FGL1: variants seen among roughly 807,000 people sequenced by gnomAD.
FGL1 encodes fibrinogen like 1, also known as fibrinogen-like protein 1.
FGL1 carries 59 observed loss-of-function variants against 43.7 expected under a neutral mutation model. That is an observed-to-expected ratio of 1.35 (90% CI 1.10 to 1.68). FGL1 has a LOEUF of 1.68. Ranked by LOEUF, FGL1 falls within the 40% of genes most tolerant of loss-of-function variation. The pLI is 0.00. For synonymous variants in FGL1, 192 were observed against 126.5 expected (o/e 1.52, Z -3.48); for missense variants, 596 against 373.0 (o/e 1.60, Z -4.92).
intron 2 of FGL1, among the ~76,000 whole-genome samples, chr8:17,884,771 A>G (rs1359867480): frequency 6.6e-6 from 1 of 152,160 alleles, no homozygotes; most frequent in Non-Finnish European, 1.5e-5. Context: ...CATATTTAGT[A>G]AGCTTATTTA....
At chr8:17,869,563 C>T (rs995940552) in intron 5 of FGL1, among the ~76,000 whole-genome samples, 4 of 152,254 alleles carry the variant, frequency 2.6e-5, no homozygotes, top group East Asian at 1.9e-4. Context: ...AAATATGAAT[C>T]CTAATTGTTA....
chr8:17,879,993 C>T (rs2053510912), intron 3 of FGL1, among the ~76,000 whole-genome samples: 1 of 152,164 alleles, frequency 6.6e-6, no homozygotes, highest in African/African-American at 2.4e-5. Context: ...AGTTCCTCGC[C>T]CTTGAGATCA....
intron 1 of FGL1, among the ~76,000 whole-genome samples, chr8:17,890,050 A>C (rs1213571817): frequency 6.6e-6 from 1 of 152,246 alleles, no homozygotes; most frequent in Non-Finnish European, 1.5e-5. Flanking sequence ...AAAATTGCTA[A>C]TACATCATCA....
chr8:17,879,596 C>G (rs536903951), intron 3 of FGL1, among the ~76,000 whole-genome samples: 2 of 152,212 alleles, frequency 1.3e-5, no homozygotes, highest in South Asian at 4.2e-4. Context: ...TCTCTTTCTC[C>G]TGTTCCCACC....
intron 1 of FGL1, among the ~76,000 whole-genome samples, chr8:17,886,781 AGAGAGGAGAGGAGAG>A (rs61063668): frequency 8.7e-5 from 13 of 150,176 alleles, no homozygotes; most frequent in African/African-American, 2.7e-4. Context: ...TGAGAGGAGA[AGAGAGGAGAGGAGAG>A]GAGAGGAGAG....
At chr8:17,885,697 G>C (rs1371548813) in intron 1 of FGL1, 126 bp from the exon 2 acceptor site, 10 of 683,660 alleles carry the variant, frequency 1.5e-5, no homozygotes, top group Non-Finnish European at 2.4e-5. Context: ...TAGAGTCGCC[G>C]AGGAAATTCT....
intron 1 of FGL1, among the ~76,000 whole-genome samples, chr8:17,893,685 C>T (rs35053645): frequency 0.013 from 1,980 of 146,752 alleles, 344 homozygotes; most frequent in African/African-American, 0.051. Flanking sequence ...AGAATAATTC[C>T]TGAGAATATC....
At chr8:17,877,632 A>G (rs1284112215) in intron 3 of FGL1, among the ~76,000 whole-genome samples, 1 of 151,620 alleles carries the variant, frequency 6.6e-6, no homozygotes, top group East Asian at 1.9e-4. Context: ...AAAAGGATAA[A>G]GGAAGGTGGG....
At chr8:17,887,572 G>C (rs35029184) in intron 1 of FGL1, among the ~76,000 whole-genome samples, 2,123 of 152,226 alleles carry the variant, frequency 0.014, 50 homozygotes, top group African/African-American at 0.048. Flanking sequence ...AAGATGGGCC[G>C]GGCGTGTTGG....
At chr8:17,890,411 G>A (rs2053687631) in intron 1 of FGL1, among the ~76,000 whole-genome samples, 1 of 152,040 alleles carries the variant, frequency 6.6e-6, no homozygotes, top group Non-Finnish European at 1.5e-5. Context: ...GGCTACATTG[G>A]CCTCTTTGGC....
intron 2 of FGL1, 135 bp downstream of exon 2, chr8:17,885,357 T>C (rs2053612195): frequency 8.4e-6 from 6 of 715,424 alleles, no homozygotes; most frequent in Non-Finnish European, 1.4e-5. Flanking sequence ...CCAGTATTTC[T>C]ACCAGCCTCT....
Position 17,868,587 on chromosome 8 carries a change from T to A in FGL1, c.740A>T (p.Asn247Ile). ...WDRDHDNYEG[N>I]CAEEDQSGWW... is the part of the protein sequence containing the mutation. ...GCCAGACTGATCTTCTTCTGCGCAGTTCCCTTCATAGTTGTCATGATCTCT... is the reference window on the plus strand; with the variant it reads ...GCCAGACTGATCTTCTTCTGCGCAGATCCCTTCATAGTTGTCATGATCTCT... Residue 247 changes from asparagine to isoleucine, a missense_variant, in exon 7 of 8, where the codon AAC (asparagine) becomes ATC (isoleucine). By Grantham distance (149) the Asn-to-Ile change is moderately radical. Transcript: ENST00000427924. 6.2e-7 allele frequency: 1 copy of A among 1,613,898 alleles called. No individual in the cohort carries two copies. Among genetic ancestry groups the A allele is most frequent in the Non-Finnish European group, 8.5e-7 (1 of 1,179,928 alleles).
chr8:17,880,673 A>G (rs1171619810), intron 3 of FGL1, among the ~76,000 whole-genome samples: 1 of 152,336 alleles, frequency 6.6e-6, no homozygotes, highest in South Asian at 2.1e-4. Context: ...CAATAGACTC[A>G]TAAACAGAAA....
intron 2 of FGL1, among the ~76,000 whole-genome samples, chr8:17,883,412 A>G (rs1323754110): frequency 1.7e-5 from 2 of 115,730 alleles, no homozygotes; most frequent in African/African-American, 7.0e-5. Flanking sequence ...AATATATATT[A>G]CAAAATATAT....
At chr8:17,871,814 T>C (rs1387521461) in intron 5 of FGL1, among the ~76,000 whole-genome samples, 1 of 152,168 alleles carries the variant, frequency 6.6e-6, no homozygotes, top group Non-Finnish European at 1.5e-5. Flanking sequence ...TCCAACGAGA[T>C]TAGCCAGCCT....
At chr8:17,885,224 T>A (rs1448559231) in intron 2 of FGL1, among the ~76,000 whole-genome samples, 2 of 152,020 alleles carry the variant, frequency 1.3e-5, no homozygotes, top group Admixed American at 6.6e-5. Context: ...GTATTTTTTT[T>A]AGTAAAGATG....
chr8:17,872,056 C>T (rs1414206291), intron 5 of FGL1, among the ~76,000 whole-genome samples: 1 of 151,998 alleles, frequency 6.6e-6, no homozygotes, highest in Non-Finnish European at 1.5e-5. Context: ...GCATAAAACA[C>T]TTAAAACTAG....
Position 17,895,481 on chromosome 8 carries a change from G to T in FGL1, c.-52C>A, listed in dbSNP as rs1443644047. 1.6e-6 allele frequency: 2 copies of T among 1,283,304 alleles called. No homozygotes were observed. Among genetic ancestry groups the T allele is most frequent in the Middle Eastern group, 2.1e-4 (1 of 4,710 alleles). 79.5% of individuals were successfully genotyped at this position (1,283,304 alleles called of 1,614,324 possible). A position where few individuals can be genotyped will look rare whatever the true frequency, so the allele number is the denominator to read the frequency against. On this transcript the variant is annotated 5_prime_UTR_variant, in exon 1 of 8. Transcript: ENST00000427924. ...GAAGTGAGTCAGAGACCCAGCTCAG[G>T]TTCCATCCAGACACTCTGCTTCCCA...
At position 17,868,665 on chromosome 8, in the gene FGL1, G is replaced by T. The variant is rs144651867; in HGVS notation, c.662C>A (p.Pro221His). The part of the protein sequence containing the change: ...AGDSLAGNFH[P>H]EVQWWASHQR... ...GTGACTAGCCCACCACTGCACCTCA[G>T]GATGAAAATTCCCCGCAAGGGAATC... The change falls in exon 7 of 8, where the codon CCT (proline) becomes CAT (histidine). Residue 221 changes from proline to histidine, a missense_variant. Physicochemically the swap from Pro to His is moderately conservative, Grantham distance 77. Coordinates refer to ENST00000427924, the MANE Select transcript of FGL1 (RefSeq NM_004467.4). 6.2e-7 allele frequency: 1 copy of T among 1,613,818 alleles called. No individual in the cohort carries two copies. Among genetic ancestry groups the T allele is most frequent in the African/African-American group, 1.3e-5 (1 of 74,896 alleles).
Sources: allele counts gnomAD v4.1 joint callset (sites outside exome capture counted in the v4.1 genomes callset), GRCh38; gene constraint gnomAD v4.1.1; transcripts MANE v1.5; gene names NCBI Gene and HGNC (gene_info 2026-07-23, HGNC 2026-07-21).